The following DNAJB6 variants were observed in gnomAD, a reference collection of about 807,000 sequenced individuals.
DNAJB6 encodes the protein DnaJ heat shock protein family (Hsp40) member B6.
A neutral mutation model predicts 42.7 loss-of-function variants in DNAJB6; 16 were observed. The observed-to-expected ratio is 0.37, with a 90% CI of 0.25 to 0.57. The LOEUF is 0.57. DNAJB6 is among the 20% of genes least tolerant of loss of function. DNAJB6 has a pLI of 0.74. For missense variants in DNAJB6, 347 were observed against 416.8 expected (o/e 0.83, Z 1.46); for synonymous variants, 170 against 163.5 (o/e 1.04, Z -0.30).
Position 157,416,272 on chromosome 7 carries a change from G to A in DNAJB6, c.*174G>A. The A allele has an allele frequency of 1.0e-6, 1 of 995,424 alleles. No homozygotes were observed. The highest frequency in any genetic ancestry group is 1.4e-6 in the Non-Finnish European group (1 of 693,198). 61.7% of individuals were successfully genotyped at this position (995,424 alleles called of 1,614,324 possible). On this transcript the variant is annotated 3_prime_UTR_variant, in exon 10 of 10. Coordinates refer to ENST00000262177, the MANE Select transcript of DNAJB6 (RefSeq NM_058246.4). ...CAGAGCAGGGTCAGGAGACGGGGCT[G>A]ACGGCACGGGTGGCGGGGACAGACG...
rs553650027 is a variant in DNAJB6 at position 157,367,480 on chromosome 7, T to C, written c.343T>C (p.Phe115Leu). 5.7e-5 allele frequency: 91 copies of C among 1,586,150 alleles called. No individual in the cohort carries two copies. The highest frequency in any genetic ancestry group is 7.1e-5 in the Non-Finnish European group (82 of 1,154,406). ...AAGGGACCCATTTTCATTTGACTTCTTTGGTAAGTTAATCACGTGGGTTGA... is the reference window on the plus strand; with the variant it reads ...AAGGGACCCATTTTCATTTGACTTCCTTGGTAAGTTAATCACGTGGGTTGA... ...GGRDPFSFDF[F>L]EDPFEDFFGN... is the part of the protein sequence containing the mutation. The change falls in exon 5 of 10, where the codon TTT becomes CTT. Residue 115 changes from phenylalanine to leucine, a missense_variant. Coordinates refer to ENST00000262177, the MANE Select transcript of DNAJB6 (RefSeq NM_058246.4).
At position 157,367,379 on chromosome 7, in the gene DNAJB6, G is replaced by A; in HGVS notation, c.242G>A (p.Ser81Asn). Residue 81 changes from serine to asparagine, a missense_variant, in exon 5 of 10, where the codon AGT (serine) becomes AAT (asparagine). Coordinates refer to ENST00000262177, the MANE Select transcript of DNAJB6 (RefSeq NM_058246.4). ...CTGTGTTGTATTTGTGCAGGTGGAA[G>A]TCATTTTGACAGTCCATTTGAATTT... Reference protein sequence around the residue: ...EGLNGGGGGGSHFDSPFEFGF... With the variant: ...EGLNGGGGGGNHFDSPFEFGF... 6.2e-7 allele frequency: 1 copy of A among 1,606,222 alleles called. No individual in the cohort carries two copies. Among genetic ancestry groups the A allele is most frequent in the Non-Finnish European group, 8.5e-7 (1 of 1,172,782 alleles).
At chr7:157,391,069 C>A (rs563259415) in intron 8 of DNAJB6, among the ~76,000 whole-genome samples, 1 of 152,128 alleles carries the variant, frequency 6.6e-6, no homozygotes, top group Non-Finnish European at 1.5e-5. Flanking sequence ...CTCTTGGGCT[C>A]GAGCGCATCA....
rs1395170163 is a variant in DNAJB6, at chr7:157,385,612, G to T, written c.691+1G>T. On this transcript the variant is annotated splice_donor_variant, in intron 8 of 9. Coordinates refer to ENST00000262177, the MANE Select transcript of DNAJB6 (RefSeq NM_058246.4). LOFTEE classifies it high-confidence loss of function. ...CAGTTAAAGTCCTTAACAATAAATG[G>T]TAAGGAGCAGCTGCTGCGCTTGGAT... The T allele has an allele frequency of 6.2e-7, 1 of 1,613,736 alleles. No individual in the cohort carries two copies.
In DNAJB6 at chr7:157,409,877, C is replaced by A. The variant is rs770771083; in HGVS notation, c.774C>A (p.Arg258=). 1 of 1,533,682 alleles carries A rather than the reference C, an allele frequency of 6.5e-7. No individual in the cohort carries two copies. The highest frequency in any genetic ancestry group is 1.2e-5 in the South Asian group (1 of 83,868). Residue 258 remains arginine, a synonymous_variant, in exon 9 of 10, where the codon CGC becomes CGA. Coordinates refer to ENST00000262177, the MANE Select transcript of DNAJB6 (RefSeq NM_058246.4). ...TGCCAGCCCAGCCTGCCGGCCTCCG[C>A]CCGCCGAAGCCGCCCCGGCCTGCCT... The part of the protein sequence containing the change: ...NALPAQPAGL[R]PPKPPRPASL...
chr7:157,385,385 A>T (rs1028830423), intron 7 of DNAJB6, among the ~76,000 whole-genome samples, 156 bp from the exon 8 acceptor site: 10 of 152,246 alleles, frequency 6.6e-5, no homozygotes, highest in African/African-American at 2.4e-4. Flanking sequence ...GGAAAGGAAG[A>T]TGTGTTGTTG....
chr7:157,361,745 T>TATTCATTCATTCATTC (rs56963367), intron 2 of DNAJB6, among the ~76,000 whole-genome samples: 5 of 150,876 alleles, frequency 3.3e-5, no homozygotes, highest in African/African-American at 9.7e-5. Flanking sequence ...GATTTTTTTG[T>TATTCATTCATTCATTC]ATTCATTCAT....
At chr7:157,363,114 T>C in intron 2 of DNAJB6, 47 bp from the exon 3 acceptor site, 1 of 1,355,104 alleles carries the variant, frequency 7.4e-7, no homozygotes, top group Non-Finnish European at 1.0e-6. Context: ...AAAGCATAGT[T>C]GATTTCTGGA....
intron 3 of DNAJB6, 92 bp from the exon 4 acceptor site, chr7:157,366,410 G>A (rs778114590): frequency 5.3e-5 from 65 of 1,220,478 alleles, no homozygotes; most frequent in Non-Finnish European, 7.3e-5. Flanking sequence ...GTAAAACATC[G>A]AAAACTGATT....
intron 8 of DNAJB6, among the ~76,000 whole-genome samples, chr7:157,404,371 G>T (rs1161737083): frequency 6.7e-6 from 1 of 150,314 alleles, no homozygotes; most frequent in East Asian, 2.0e-4. Flanking sequence ...GCTCACTGCA[G>T]CCTTGAACCC....
At position 157,384,993 on chromosome 7, in the gene DNAJB6, A is replaced by G. The variant is rs910817368; in HGVS notation, c.605A>G (p.Lys202Arg). ...STSTKMVNGR[K>R]ITTKRIVENG... ...TCAACTAAAATGGTTAATGGCAGAA[A>G]AATCACTACAAAGAGGTACTGTGGT... Residue 202 changes from lysine (K) to arginine (R), a missense_variant, in exon 7 of 10, where the codon AAA becomes AGA. Around this residue, in one of 3 missense-constraint regions of DNAJB6, gnomAD observed 264 missense variants for 288.0 expected, o/e 0.92. Coordinates refer to ENST00000262177, the MANE Select transcript of DNAJB6 (RefSeq NM_058246.4). The G allele has an allele frequency of 1.9e-6, 3 of 1,614,032 alleles. No individual in the cohort carries two copies. Among genetic ancestry groups the G allele is most frequent in the African/African-American group, 2.7e-5 (2 of 74,928 alleles).
chr7:157,399,517 G>T (rs983823911), intron 8 of DNAJB6, among the ~76,000 whole-genome samples: 1 of 152,192 alleles, frequency 6.6e-6, no homozygotes, highest in Admixed American at 6.5e-5. Flanking sequence ...CTGGGATGGC[G>T]GCACAGGTTT....
chr7:157,387,799 G>A (rs909515624), intron 8 of DNAJB6, among the ~76,000 whole-genome samples: 3 of 151,750 alleles, frequency 2.0e-5, no homozygotes, highest in Non-Finnish European at 2.9e-5. Flanking sequence ...TTGAGGAGGA[G>A]GGAGCATTCA....
intron 1 of DNAJB6, among the ~76,000 whole-genome samples, chr7:157,356,627 G>T (rs1331045320): frequency 1.3e-5 from 2 of 152,094 alleles, no homozygotes; most frequent in Non-Finnish European, 2.9e-5. Flanking sequence ...CTGTGCAGTG[G>T]TATACCCTTA....
At chr7:157,393,411 G>A (rs1438604944) in intron 8 of DNAJB6, among the ~76,000 whole-genome samples, 1 of 152,130 alleles carries the variant, frequency 6.6e-6, no homozygotes, top group African/African-American at 2.4e-5. Context: ...GCTGATTTTA[G>A]TATTTTACTG....
chr7:157,355,151 T>G (rs1244728274), intron 1 of DNAJB6, among the ~76,000 whole-genome samples: 4 of 152,218 alleles, frequency 2.6e-5, no homozygotes, highest in African/African-American at 9.6e-5. Context: ...GTAGTTTCTT[T>G]TATTTATTTA....
At chr7:157,374,417 G>A (rs556495357) in intron 5 of DNAJB6, among the ~76,000 whole-genome samples, 4 of 152,090 alleles carry the variant, frequency 2.6e-5, no homozygotes, top group African/African-American at 4.8e-5. Flanking sequence ...GTGCCACCGC[G>A]CCCGGCTAAT....
In DNAJB6 at chr7:157,416,064, CGAA is replaced by C. The variant is rs778749161; in HGVS notation, c.958_960del (p.Lys320del). 3.5e-5 allele frequency: 56 copies of C among 1,613,948 alleles called. No homozygotes were observed. The highest frequency in any genetic ancestry group is 1.6e-4 in the Middle Eastern group (1 of 6,084). ...AAGAAGCAGAAGCAGAGAGAGGAGTCGAAGAAGAAGAAGTCGACCAAAGGCAAT... is the reference window on the plus strand; with the variant it reads ...AAGAAGCAGAAGCAGAGAGAGGAGTCGAAGAAGAAGTCGACCAAAGGCAAT... On this transcript the variant is annotated inframe_deletion, in exon 10 of 10. Coordinates refer to ENST00000262177, the MANE Select transcript of DNAJB6 (RefSeq NM_058246.4).
At chr7:157,341,501 T>C (rs1359418456) in intron 1 of DNAJB6, among the ~76,000 whole-genome samples, 1 of 152,238 alleles carries the variant, frequency 6.6e-6, no homozygotes, top group Non-Finnish European at 1.5e-5. Flanking sequence ...ACATATGATT[T>C]TTCCCCCTTT....
Sources: gnomAD v4.1 joint callset for allele counts (sites outside exome capture counted in the v4.1 genomes callset) on GRCh38, gnomAD v4.1.1 for gene constraint, gnomAD v4.1.1 regional missense constraint, MANE v1.5 for transcripts, NCBI Gene and HGNC (gene_info 2026-07-23, HGNC 2026-07-21) for gene names.